BBS9: variants seen among roughly 807,000 people sequenced by gnomAD.
BBS9 encodes the protein Bardet-Biedl syndrome 9, also known as protein PTHB1.
Under a neutral mutation model 117.7 loss-of-function variants are expected in BBS9, and 89 were observed. The observed-to-expected ratio is 0.76, with a 90% CI of 0.64 to 0.90. The LOEUF is 0.90. Among genes scored for constraint, BBS9 ranks in the 40% least tolerant of loss-of-function variants. BBS9 has a pLI of 0.00. For synonymous variants in BBS9, 379 were observed against 370.9 expected (o/e 1.02, Z -0.25); for missense variants, 982 against 1,042.2 (o/e 0.94, Z 0.80).
chr7:33,620,942 A>G (rs887773867), intron 21 of BBS9, among the ~76,000 whole-genome samples: 3 of 152,222 alleles, frequency 2.0e-5, no homozygotes, highest in Admixed American at 2.0e-4. Context: ...ATGTGTTTAC[A>G]GTCAACTGAT....
intron 19 of BBS9, among the ~76,000 whole-genome samples, chr7:33,397,995 A>G (rs1828280732): frequency 6.6e-6 from 1 of 152,168 alleles, no homozygotes; most frequent in African/African-American, 2.4e-5. Flanking sequence ...TGAAGAAAAA[A>G]AAATAAAAAT....
chr7:33,149,539 G>A (rs963785362), intron 2 of BBS9, among the ~76,000 whole-genome samples: 1 of 152,194 alleles, frequency 6.6e-6, no homozygotes. Flanking sequence ...TCAAGATTCA[G>A]ACTCTTGAGA....
chr7:33,504,661 A>G (rs1845902044), intron 19 of BBS9, among the ~76,000 whole-genome samples: 1 of 152,168 alleles, frequency 6.6e-6, no homozygotes, highest in Non-Finnish European at 1.5e-5. Flanking sequence ...TTTAATGAGC[A>G]CAAAATTCAC....
At position 33,367,761 on chromosome 7, in the gene BBS9, T is replaced by G. The variant is rs28622379; in HGVS notation, c.1694-6T>G. 6 of 1,613,246 alleles carry G rather than the reference T, an allele frequency of 3.7e-6. No individual in the cohort carries two copies. Among genetic ancestry groups the G allele is most frequent in the Non-Finnish European group, 5.1e-6 (6 of 1,179,392 alleles). On this transcript the variant is annotated splice_region_variant and splice_polypyrimidine_tract_variant and intron_variant, in intron 16 of 22. Coordinates refer to ENST00000242067, the MANE Select transcript of BBS9 (RefSeq NM_198428.3). ...ACATAAGGTGATTTCTCTCTTTTCT[T>G]TGTAGGTTTTGCCAGTCAGTCAGAT...
intron 10 of BBS9, among the ~76,000 whole-genome samples, chr7:33,337,122 C>T (rs145097612): frequency 9.9e-5 from 15 of 152,194 alleles, no homozygotes; most frequent in East Asian, 7.7e-4. Context: ...GTGTAGCTTG[C>T]GGTATGCTGA....
chr7:33,404,839 A>G (rs541563260), intron 19 of BBS9, among the ~76,000 whole-genome samples: 1 of 152,108 alleles, frequency 6.6e-6, no homozygotes, highest in Middle Eastern at 3.4e-3. Flanking sequence ...CCTTTATTTC[A>G]TTCTCCTGCC....
intron 21 of BBS9, among the ~76,000 whole-genome samples, chr7:33,589,027 G>A (rs576933431): frequency 6.6e-6 from 1 of 152,104 alleles, no homozygotes; most frequent in African/African-American, 2.4e-5. Context: ...CTTTTAAAAC[G>A]ATCACGGGTT....
intron 19 of BBS9, among the ~76,000 whole-genome samples, chr7:33,491,959 G>C (rs994495247): frequency 1.3e-5 from 2 of 151,964 alleles, no homozygotes; most frequent in Non-Finnish European, 2.9e-5. Flanking sequence ...CAGCACTTTG[G>C]GAGGCTAAGG....
intron 21 of BBS9, among the ~76,000 whole-genome samples, chr7:33,615,666 T>G (rs569774272): frequency 1.3e-5 from 2 of 152,182 alleles, no homozygotes; most frequent in African/African-American, 4.8e-5. Flanking sequence ...CAATAATGAC[T>G]GAGAATGTTT....
At chr7:33,414,202 C>T (rs1831608458) in intron 19 of BBS9, among the ~76,000 whole-genome samples, 1 of 152,022 alleles carries the variant, frequency 6.6e-6, no homozygotes, top group South Asian at 2.1e-4. Flanking sequence ...TTCAGGCCTA[C>T]ACATATCTTC....
chr7:33,607,500 A>G (rs1289775652), downstream of BBS9, among the ~76,000 whole-genome samples: 1 of 152,174 alleles, frequency 6.6e-6, no homozygotes, highest in Non-Finnish European at 1.5e-5. Flanking sequence ...ATTTAGAATA[A>G]GAAAAGAATA....
chr7:33,525,571 C>T (rs1392455635), intron 20 of BBS9, among the ~76,000 whole-genome samples: 2 of 123,880 alleles, frequency 1.6e-5, no homozygotes, highest in Non-Finnish European at 3.3e-5. Flanking sequence ...GGATTGCAAC[C>T]CCTGCCTTTT....
chr7:33,533,197 C>T (rs1169654860), intron 20 of BBS9, among the ~76,000 whole-genome samples: 1 of 152,198 alleles, frequency 6.6e-6, no homozygotes, highest in Admixed American at 6.5e-5. Flanking sequence ...CTGCTGGTGC[C>T]AGTGCTCTCC....
At chr7:33,297,456 C>G (rs1266882784) in intron 9 of BBS9, among the ~76,000 whole-genome samples, 1 of 152,076 alleles carries the variant, frequency 6.6e-6, no homozygotes, top group East Asian at 1.9e-4. Flanking sequence ...CGGTGGGTGA[C>G]TTGGTTTATA....
intron 8 of BBS9, 109 bp from the exon 9 acceptor site, chr7:33,273,718 T>TTAAA: frequency 1.0e-6 from 1 of 998,264 alleles, no homozygotes; most frequent in Non-Finnish European, 1.5e-6. Context: ...TCTTTATGTA[T>TTAAA]TAAAATCCAG....
intron 7 of BBS9, among the ~76,000 whole-genome samples, chr7:33,269,165 T>C (rs967776997): frequency 1.3e-5 from 2 of 152,204 alleles, no homozygotes; most frequent in African/African-American, 4.8e-5. Flanking sequence ...CTTCAAATAT[T>C]TTAATATCTA....
intron 21 of BBS9, among the ~76,000 whole-genome samples, chr7:33,618,788 CTT>C (rs1184401993): frequency 1.3e-5 from 2 of 152,000 alleles, no homozygotes; most frequent in Admixed American, 6.6e-5. Context: ...TTAAAATAGA[CTT>C]ATAACTATGA....
chr7:33,400,070 GAAC>G (rs2128787473), intron 19 of BBS9, among the ~76,000 whole-genome samples: 1 of 152,068 alleles, frequency 6.6e-6, no homozygotes, highest in South Asian at 2.1e-4. Flanking sequence ...GTGTTAGCTT[GAAC>G]AACTGGCTGT....
chr7:33,229,604 CAAT>C (rs1429097183), intron 5 of BBS9, among the ~76,000 whole-genome samples: 1 of 152,068 alleles, frequency 6.6e-6, no homozygotes, highest in Non-Finnish European at 1.5e-5. Flanking sequence ...TATAGTAATA[CAAT>C]AATAATATTC....
Sources: gnomAD v4.1 joint callset for allele counts (sites outside exome capture counted in the v4.1 genomes callset) on GRCh38, gnomAD v4.1.1 for gene constraint, MANE v1.5 for transcripts, NCBI Gene and HGNC (gene_info 2026-07-23, HGNC 2026-07-21) for gene names.